PACC1: variants seen among roughly 807,000 people sequenced by gnomAD.
PACC1 encodes proton-activated chloride channel.
In PACC1, 34 loss-of-function variants were observed where a neutral mutation model predicts 39.7. The ratio of observed to expected loss-of-function variants is 0.86; its 90% CI spans 0.65 to 1.14. PACC1 has a LOEUF of 1.14. PACC1 is among the 50% of genes most tolerant of loss of function. The pLI, the probability that PACC1 is intolerant of heterozygous loss-of-function variation, is 0.00. For synonymous variants in PACC1, 127 were observed against 160.6 expected (o/e 0.79, Z 1.58); for missense variants, 379 against 436.4 (o/e 0.87, Z 1.17).
chr1:212,395,609 C>T (rs1661484751), intron 2 of PACC1, among the ~76,000 whole-genome samples: 1 of 152,104 alleles, frequency 6.6e-6, no homozygotes, highest in Admixed American at 6.6e-5. Context: ...AACTAAAGAG[C>T]TTCTGCACAG....
At chr1:212,412,138 T>C (rs1662151237) in intron 1 of PACC1, among the ~76,000 whole-genome samples, 2 of 146,858 alleles carry the variant, frequency 1.4e-5, no homozygotes, top group South Asian at 4.3e-4. Flanking sequence ...TGAAACTCAG[T>C]CTCAAAAAAA....
chr1:212,390,925 G>A (rs1661294255), intron 2 of PACC1, among the ~76,000 whole-genome samples: 1 of 152,254 alleles, frequency 6.6e-6, no homozygotes, highest in Non-Finnish European at 1.5e-5. Flanking sequence ...GGCTTGAGTA[G>A]GTAAACAAAG....
chr1:212,365,526 G>T (rs1660208206), intron 7 of PACC1, 150 bp from the exon 8 acceptor site: 8 of 786,094 alleles, frequency 1.0e-5, no homozygotes, highest in Non-Finnish European at 1.5e-5. Context: ...CGCTTCCTGG[G>T]TTCAAGCAAT....
chr1:212,383,002 T>G (rs1222647530), intron 4 of PACC1, among the ~76,000 whole-genome samples: 1 of 152,232 alleles, frequency 6.6e-6, no homozygotes, highest in Non-Finnish European at 1.5e-5. Context: ...TTCCCCTTCT[T>G]CCTTTTCCAA....
chr1:212,411,487 A>G (rs1339319023), intron 1 of PACC1, among the ~76,000 whole-genome samples: 2 of 152,160 alleles, frequency 1.3e-5, no homozygotes, highest in Admixed American at 6.5e-5. Flanking sequence ...CACCTGTCAA[A>G]TGGGGAAAAT....
At chr1:212,394,837 T>C (rs1356506676) in intron 2 of PACC1, among the ~76,000 whole-genome samples, 2 of 152,178 alleles carry the variant, frequency 1.3e-5, no homozygotes, top group African/African-American at 4.8e-5. Context: ...CCATTCACAA[T>C]AGCTTTAAAG....
intron 5 of PACC1, among the ~76,000 whole-genome samples, chr1:212,378,778 A>G (rs575986070): frequency 6.6e-6 from 1 of 152,210 alleles, no homozygotes; most frequent in Admixed American, 6.5e-5. Flanking sequence ...CACAGGTTTG[A>G]ACTGGCTGGG....
At chr1:212,380,136 T>C (rs1182850987) in intron 4 of PACC1, 99 bp from the exon 5 acceptor site, 2 of 1,301,272 alleles carry the variant, frequency 1.5e-6, no homozygotes, top group African/African-American at 3.0e-5. Flanking sequence ...CATAGCTCCT[T>C]GCCCAGTGGT....
intron 4 of PACC1, among the ~76,000 whole-genome samples, chr1:212,383,475 A>G (rs527628077): frequency 1.3e-5 from 2 of 152,210 alleles, no homozygotes; most frequent in Non-Finnish European, 2.9e-5. Context: ...TATTATACAT[A>G]TAACTCCACA....
intron 4 of PACC1, among the ~76,000 whole-genome samples, chr1:212,381,668 A>T (rs936392682): frequency 2.2e-5 from 3 of 135,406 alleles, no homozygotes; most frequent in Non-Finnish European, 3.3e-5. Context: ...AGGCCTGGGC[A>T]TGTGCACAGA....
chr1:212,365,296 G>A lies in PACC1; in HGVS notation c.972C>T (p.Ala324=). 1 of 1,613,260 alleles carries A rather than the reference G, an allele frequency of 6.2e-7. No homozygotes were observed. Among genetic ancestry groups the A allele is most frequent in the South Asian group, 1.1e-5 (1 of 90,984 alleles). The change falls in exon 8 of 8, where the codon GCC becomes GCT. Residue 324 remains alanine, a synonymous_variant. Coordinates refer to ENST00000261455, the MANE Select transcript of PACC1 (RefSeq NM_018252.3). ...TGATCATCCATTTTATACTCAGTTT[G>A]GCAAACTCTGCTGCTTTAAATAATG... is the stretch of plus-strand genomic sequence containing the variant. The part of the protein sequence containing the change: ...FLALFKAAEF[A]KLSIKWMIKI...
At position 212,375,425 on chromosome 1, in the gene PACC1, G is replaced by C. The variant is rs1660611176; in HGVS notation, c.784-125C>G. The C allele has an allele frequency of 9.5e-6, 6 of 630,012 alleles. No homozygotes were observed. The South Asian group carries it at 1.3e-4, about 14-fold the overall frequency. 39.0% of individuals were successfully genotyped at this position (630,012 alleles called of 1,614,324 possible). A position where few individuals can be genotyped will look rare whatever the true frequency, so the allele number is the denominator to read the frequency against. On this transcript the variant is annotated intron_variant, in intron 6 of 7. Coordinates refer to ENST00000261455, the MANE Select transcript of PACC1 (RefSeq NM_018252.3). ...GTGGTTCTCCTCACACTATTTTTTG[G>C]AGAGAGAGTGGCAAAAATCTCATAT...
chr1:212,392,713 T>C (rs963366860), intron 2 of PACC1, among the ~76,000 whole-genome samples: 3 of 151,796 alleles, frequency 2.0e-5, no homozygotes, highest in Admixed American at 6.6e-5. Context: ...GAGACACACA[T>C]AGGCTCAAAA....
chr1:212,385,110 C>A (rs1408480942), intron 4 of PACC1, among the ~76,000 whole-genome samples, 164 bp downstream of exon 4: 1 of 152,230 alleles, frequency 6.6e-6, no homozygotes, highest in African/African-American at 2.4e-5. Flanking sequence ...GTGAGCCAAC[C>A]ACAGCCAAGT....
chr1:212,410,321 C>T, intron 2 of PACC1, 104 bp downstream of exon 2: 3 of 980,370 alleles, frequency 3.1e-6, no homozygotes, highest in East Asian at 2.4e-5. Flanking sequence ...GACCTGACAC[C>T]AGGGTGCAGG....
At chr1:212,380,147 CT>C in intron 4 of PACC1, 110 bp from the exon 5 acceptor site, 6 of 1,186,586 alleles carry the variant, frequency 5.1e-6, no homozygotes, top group Non-Finnish European at 7.1e-6. Flanking sequence ...GCCCAGTGGT[CT>C]CCAAAGGGAC....
intron 6 of PACC1, among the ~76,000 whole-genome samples, chr1:212,377,189 C>T (rs12145484): frequency 0.15 from 23,461 of 152,138 alleles, 2,506 homozygotes; most frequent in East Asian, 0.37. Flanking sequence ...ACACTTGGGA[C>T]CACTGTGTCT....
chr1:212,390,065 C>T (rs1026740758), intron 2 of PACC1, among the ~76,000 whole-genome samples: 5 of 151,788 alleles, frequency 3.3e-5, no homozygotes, highest in Non-Finnish European at 5.9e-5. Context: ...AAATGGAGCC[C>T]GGAAAATTGT....
rs3767861 is a variant in PACC1, at chr1:212,364,211, G to A, written c.*1004C>T. On this transcript the variant is annotated 3_prime_UTR_variant, in exon 8 of 8. Transcript: ENST00000261455. Reference sequence around the variant, plus strand: ...GCTTTTTGAGGGTCACACTGCGTATGCCCCTTCCTCATATGATGGGTAGTT... The same window carrying A: ...GCTTTTTGAGGGTCACACTGCGTATACCCCTTCCTCATATGATGGGTAGTT... 0.3 allele frequency: 45,336 copies of A among 151,958 alleles called. 7,342 individuals are homozygous for A. Among genetic ancestry groups the A allele is most frequent in the Non-Finnish European group, 0.37 (25,268 of 67,940 alleles). 9.4% of individuals were successfully genotyped at this position (151,958 alleles called of 1,614,324 possible).
Sources: gnomAD v4.1 joint callset for allele counts (sites outside exome capture counted in the v4.1 genomes callset) on GRCh38, gnomAD v4.1.1 for gene constraint, MANE v1.5 for transcripts, NCBI Gene and HGNC (gene_info 2026-07-23, HGNC 2026-07-21) for gene names.